The following HIPK2 variants were observed in gnomAD, a reference collection of about 807,000 sequenced individuals.
The protein encoded by HIPK2 is homeodomain-interacting protein kinase 2.
In HIPK2, 27 loss-of-function variants were observed where a neutral mutation model predicts 113.7. That is an observed-to-expected ratio of 0.24 (90% CI 0.17 to 0.33). HIPK2 has a LOEUF of 0.33. Among genes scored for constraint, HIPK2 ranks in the 10% least tolerant of loss-of-function variants. The pLI is 1.00. For synonymous variants in HIPK2, 631 were observed against 642.2 expected (o/e 0.98, Z 0.26); for missense variants, 1,257 against 1,588.0 (o/e 0.79, Z 3.54).
intron 12 of HIPK2, among the ~76,000 whole-genome samples, chr7:139,584,594 G>A (rs957166521): frequency 1.3e-5 from 2 of 152,248 alleles, no homozygotes; most frequent in Non-Finnish European, 2.9e-5. Context: ...TGCAGCGTGA[G>A]GCTCTGAGGG....
At chr7:139,720,789 G>C (rs1585419604) in intron 1 of HIPK2, among the ~76,000 whole-genome samples, 3 of 152,152 alleles carry the variant, frequency 2.0e-5, no homozygotes, top group South Asian at 2.1e-4. Context: ...ACCCGGAAGG[G>C]GGCGGTCAGA....
chr7:139,763,820 C>T (rs1796510142), intron 1 of HIPK2, among the ~76,000 whole-genome samples: 1 of 152,266 alleles, frequency 6.6e-6, no homozygotes, highest in African/African-American at 2.4e-5. Flanking sequence ...TTGCGCTGGT[C>T]AACACACACA....
intron 7 of HIPK2, among the ~76,000 whole-genome samples, chr7:139,615,430 T>C (rs1196567688): frequency 6.6e-6 from 1 of 152,234 alleles, no homozygotes; most frequent in Non-Finnish European, 1.5e-5. Flanking sequence ...ACACAAGCCA[T>C]TGACATTATG....
In HIPK2 at chr7:139,676,593, C is replaced by G. The variant is rs1053125383; in HGVS notation, c.1103+39339G>C. Among the ~76,000 whole-genome samples the G allele has an allele frequency of 4.6e-5, 7 of 152,162 alleles. No individual in the cohort carries two copies. The East Asian group carries it at 1.2e-3, about 25-fold the overall frequency. On this transcript the variant is annotated intron_variant, in intron 2 of 14. Transcript: ENST00000406875. ...CTAAGATCTAGTAGGGAAGAACAAACAGATCTGTTTATTTGGTTCAACAGA... is the reference window on the plus strand; with the variant it reads ...CTAAGATCTAGTAGGGAAGAACAAAGAGATCTGTTTATTTGGTTCAACAGA...
At chr7:139,668,352 G>A (rs1374006824) in intron 2 of HIPK2, among the ~76,000 whole-genome samples, 1 of 152,050 alleles carries the variant, frequency 6.6e-6, no homozygotes, top group Non-Finnish European at 1.5e-5. Context: ...ACGAGGTCAG[G>A]AGATCAAGAC....
chr7:139,755,495 T>C (rs992388287), intron 1 of HIPK2, among the ~76,000 whole-genome samples: 1 of 152,248 alleles, frequency 6.6e-6, no homozygotes, highest in Non-Finnish European at 1.5e-5. Context: ...ATTTGTTTTC[T>C]ACCATCCTAC....
chr7:139,647,563 C>T (rs1463950402), intron 2 of HIPK2, among the ~76,000 whole-genome samples: 1 of 152,090 alleles, frequency 6.6e-6, no homozygotes, highest in Non-Finnish European at 1.5e-5. Flanking sequence ...AGAAGCTTGA[C>T]ATAGGGAGTT....
Position 139,572,226 on chromosome 7 carries a change from C to G in HIPK2, c.*701G>C, listed in dbSNP as rs745927307. The G allele has an allele frequency of 6.6e-6, 1 of 152,248 alleles. No homozygotes were observed. Among genetic ancestry groups the G allele is most frequent in the Non-Finnish European group, 1.5e-5 (1 of 68,042 alleles). 9.4% of individuals were successfully genotyped at this position (152,248 alleles called of 1,614,324 possible). On this transcript the variant is annotated 3_prime_UTR_variant, in exon 15 of 15. Coordinates refer to ENST00000406875, the MANE Select transcript of HIPK2 (RefSeq NM_022740.5). ...AGAAAAAGAAAACTCGCCCCGCGCC[C>G]CCGGGGGCCTTCCAGCAGCCTGGCC...
At chr7:139,697,731 C>G (rs1451083229) in intron 2 of HIPK2, among the ~76,000 whole-genome samples, 1 of 152,116 alleles carries the variant, frequency 6.6e-6, no homozygotes, top group Non-Finnish European at 1.5e-5. Context: ...TCACTCATAA[C>G]GTTGTACAAA....
At chr7:139,695,915 A>C (rs946533961) in intron 2 of HIPK2, among the ~76,000 whole-genome samples, 3 of 151,232 alleles carry the variant, frequency 2.0e-5, no homozygotes, top group Admixed American at 2.0e-4. Context: ...ATCATAGCAC[A>C]CTGTCTTGCT....
At chr7:139,751,977 G>C (rs1693298796) in intron 1 of HIPK2, among the ~76,000 whole-genome samples, 1 of 152,092 alleles carries the variant, frequency 6.6e-6, no homozygotes, top group South Asian at 2.1e-4. Context: ...GAAAAGGAGG[G>C]AGGAAGGCAG....
intron 12 of HIPK2, 172 bp from the exon 13 acceptor site, chr7:139,584,236 T>A: frequency 2.8e-6 from 1 of 358,598 alleles, no homozygotes; most frequent in Non-Finnish European, 3.9e-6. Context: ...GTCCCCTGTG[T>A]AGCCGGCAGC....
At chr7:139,594,074 G>A (rs896013887) in intron 12 of HIPK2, among the ~76,000 whole-genome samples, 2 of 151,590 alleles carry the variant, frequency 1.3e-5, no homozygotes, top group Non-Finnish European at 2.9e-5. Flanking sequence ...GATCCTGTTC[G>A]CTTGCCTTGG....
intron 5 of HIPK2, among the ~76,000 whole-genome samples, chr7:139,627,777 A>C (rs374801715): frequency 6.8e-4 from 104 of 152,324 alleles, no homozygotes; most frequent in African/African-American, 2.5e-3. Context: ...CCCTGGTTTC[A>C]GACTAATTTT....
At position 139,573,149 on chromosome 7, in the gene HIPK2, G is replaced by T; in HGVS notation, c.3375C>A (p.Gly1125=). ...TGTGCTGCACGGTGTGGCGCGCAGA[G>T]CCTTGCGAGGCCACCAGGTGGGCCA... The part of the protein sequence containing the change: ...GTVAHLVASQ[G]SARHTVQHTA... Residue 1125 remains glycine, a synonymous_variant, in exon 15 of 15, where the codon GGC becomes GGA. Coordinates refer to ENST00000406875, the MANE Select transcript of HIPK2 (RefSeq NM_022740.5). The T allele has an allele frequency of 6.2e-7, 1 of 1,611,104 alleles. No homozygotes were observed.
rs1195623458 is a variant in HIPK2, at chr7:139,714,900, A to G, written c.1103+1032T>C. ...GAGTGACACACCTAAGCCATGTTAC[A>G]GCCATGTTACCTCCCAGCTGCCCAC... On this transcript the variant is annotated intron_variant, in intron 2 of 14. Transcript: ENST00000406875. This position sits in a 1 kb window ranked among gnomAD's most constrained non-coding sequence, Gnocchi z 4.2. Among the ~76,000 whole-genome samples the G allele has an allele frequency of 6.6e-6, 1 of 152,162 alleles. No individual in the cohort carries two copies. The highest frequency in any genetic ancestry group is 6.5e-5 in the Admixed American group (1 of 15,286).
At chr7:139,682,994 G>A (rs989427040) in intron 2 of HIPK2, among the ~76,000 whole-genome samples, 2 of 152,230 alleles carry the variant, frequency 1.3e-5, no homozygotes, top group Non-Finnish European at 2.9e-5. Flanking sequence ...AAATGACAGA[G>A]CAGCAAGAAC....
intron 2 of HIPK2, among the ~76,000 whole-genome samples, chr7:139,659,463 A>G (rs529194131): frequency 3.0e-4 from 46 of 152,316 alleles, no homozygotes; most frequent in African/African-American, 9.1e-4. Context: ...CTCCAGCCAG[A>G]AGACCCAGCA....
chr7:139,653,941 C>G (rs534910493), intron 2 of HIPK2, among the ~76,000 whole-genome samples: 1 of 152,228 alleles, frequency 6.6e-6, no homozygotes, highest in Non-Finnish European at 1.5e-5. Flanking sequence ...CCATCTTTGC[C>G]AGGCTGGTCT....
Sources: gnomAD v4.1 joint callset for allele counts (sites outside exome capture counted in the v4.1 genomes callset) on GRCh38, gnomAD v4.1.1 for gene constraint, Gnocchi (gnomAD v3.1) non-coding constraint, MANE v1.5 for transcripts, NCBI Gene and HGNC (gene_info 2026-07-23, HGNC 2026-07-21) for gene names.